MAP3K4: variants seen among roughly 807,000 people sequenced by gnomAD.
MAP3K4 encodes the protein MAP three kinase 1.
MAP3K4 carries 67 observed loss-of-function variants against 185.6 expected under a neutral mutation model. The observed-to-expected ratio is 0.36, with a 90% confidence interval of 0.30 to 0.44. MAP3K4 has a LOEUF of 0.44. MAP3K4 is among the 20% of genes least tolerant of loss of function. The pLI, the probability that MAP3K4 is intolerant of heterozygous loss-of-function variation, is 1.00. For missense variants in MAP3K4, 1,551 were observed against 1,995.1 expected, an observed-to-expected ratio of 0.78 and a Z score of 4.24; for synonymous variants, 702 against 710.4, an observed-to-expected ratio of 0.99 and a Z score of 0.19.
intron 1 of MAP3K4, among the ~76,000 whole-genome samples, chr6:161,013,987 T>A (rs78145919): frequency 0.038 from 5,820 of 152,318 alleles, 150 homozygotes; most frequent in South Asian, 0.07. Context: ...GTCTGAACCC[T>A]GCCTCTGGAG....
chr6:161,084,345 C>T lies in MAP3K4; in HGVS notation c.2256-156C>T, dbSNP rs779782908. Among the ~76,000 whole-genome samples the T allele has an allele frequency of 6.6e-5, 10 of 152,200 alleles. No individual in the cohort carries two copies. Among genetic ancestry groups the T allele is most frequent in the Non-Finnish European group, 1.2e-4 (8 of 68,030 alleles). Reference sequence around the variant, plus strand: ...CATAATCCAGATTCCTATTTTTCCACGTCCAGGGTTTTATATTAAAAGAAG... The same window carrying T: ...CATAATCCAGATTCCTATTTTTCCATGTCCAGGGTTTTATATTAAAAGAAG... On this transcript the variant is annotated intron_variant, in intron 6 of 26. Coordinates refer to ENST00000392142, the MANE Select transcript of MAP3K4 (RefSeq NM_005922.4). The surrounding 1 kb of genome is among the most constrained non-coding windows in gnomAD (Gnocchi z 4.6).
chr6:161,034,027 T>C lies in MAP3K4; in HGVS notation c.153-232T>C, dbSNP rs917043901. On this transcript the variant is annotated intron_variant, in intron 1 of 26. Coordinates refer to ENST00000392142, the MANE Select transcript of MAP3K4 (RefSeq NM_005922.4). This position sits in a 1 kb window ranked among gnomAD's most constrained non-coding sequence, Gnocchi z 4.4. Reference sequence around the variant, plus strand: ...ACAGAAAGCATAACAGCTCTACCCATGTGGTACTCCTTGTTCATGGTAGGA... The same window carrying C: ...ACAGAAAGCATAACAGCTCTACCCACGTGGTACTCCTTGTTCATGGTAGGA... Among the ~76,000 whole-genome samples the C allele has an allele frequency of 4.6e-5, 7 of 152,098 alleles. No homozygotes were observed. The highest frequency in any genetic ancestry group is 2.9e-5 in the Non-Finnish European group (2 of 67,990).
chr6:161,111,988 T>G, intron 24 of MAP3K4, 30 bp downstream of exon 24: 1 of 1,611,222 alleles, frequency 6.2e-7, no homozygotes, highest in South Asian at 1.1e-5. Context: ...TTCTTTGCAC[T>G]CTGACTTCAT....
intron 15 of MAP3K4, among the ~76,000 whole-genome samples, chr6:161,095,093 T>C (rs1777509165): frequency 6.6e-6 from 1 of 152,194 alleles, no homozygotes; most frequent in South Asian, 2.1e-4. Context: ...GGGTAACATC[T>C]GAGTCGCTCA....
chr6:160,992,229 C>A, intron 1 of MAP3K4, 146 bp downstream of exon 1: 1 of 1,146,034 alleles, frequency 8.7e-7, no homozygotes, highest in Non-Finnish European at 1.2e-6. Flanking sequence ...GGGCGCGGTG[C>A]ATCCCTGGGT....
chr6:160,992,323 T>C (rs1043372348), intron 1 of MAP3K4: 2 of 539,574 alleles, frequency 3.7e-6, no homozygotes, highest in East Asian at 3.5e-5. Flanking sequence ...TGTTGCCGGC[T>C]CCCCTTCCCT....
In MAP3K4 at chr6:161,108,686, T is replaced by C. The variant is rs558967844; in HGVS notation, c.4120-57T>C. 2.1e-5 allele frequency: 20 copies of C among 939,790 alleles called. No homozygotes were observed. Among genetic ancestry groups the C allele is most frequent in the Admixed American group, 1.9e-4 (11 of 58,810 alleles). The allele number at this position is 939,790 out of a possible 1,614,324, so 58.2% of individuals were successfully genotyped here. On this transcript the variant is annotated intron_variant, in intron 21 of 26. Transcript: ENST00000392142. The surrounding 1 kb of genome is among the most constrained non-coding windows in gnomAD (Gnocchi z 5.7). ...GCAAAATGATGTTTCAGTGTATGTG[T>C]ATAATGTAGAGTGATTAAATCAAGC...
chr6:161,087,884 G>A lies in MAP3K4; in HGVS notation c.2753G>A (p.Gly918Asp). The change falls in exon 10 of 27, where the codon GGC (glycine) becomes GAC (aspartate). Residue 918 changes from glycine (G) to aspartate (D), a missense_variant. Transcript: ENST00000392142. This position sits in a 1 kb window ranked among gnomAD's most constrained non-coding sequence, Gnocchi z 4.9. ...GCCCGTGATTCAGAGGACAGCTGGG[G>A]CACCTGGGAGGCACAGCCTGTCAAA... ...DRARDSEDSW[G>D]TWEAQPVKVV... 1 of 1,614,138 alleles carries A rather than the reference G, an allele frequency of 6.2e-7. No homozygotes were observed. Among genetic ancestry groups the A allele is most frequent in the Non-Finnish European group, 8.5e-7 (1 of 1,180,008 alleles).
In MAP3K4 at chr6:161,048,422, A is replaced by AT; in HGVS notation, c.344-186dup. Reference sequence around the variant, plus strand: ...ACAGCAAATACTGGAAAAATGGATAATTTTTTTTAAAATATAGAAAATGTC... The same window carrying AT: ...ACAGCAAATACTGGAAAAATGGATAATTTTTTTTTAAAATATAGAAAATGTC... On this transcript the variant is annotated intron_variant, in intron 2 of 26. Coordinates refer to ENST00000392142, the MANE Select transcript of MAP3K4 (RefSeq NM_005922.4). The surrounding 1 kb of genome is among the most constrained non-coding windows in gnomAD (Gnocchi z 4.7). 3 of 610,382 alleles carry AT rather than the reference A, an allele frequency of 4.9e-6. No homozygotes were observed. In the East Asian group the frequency reaches 8.7e-5, roughly 18 times the overall value. The allele number at this position is 610,382 out of a possible 1,614,324, so 37.8% of individuals were successfully genotyped here.
chr6:161,084,174 A>G lies in MAP3K4; in HGVS notation c.2256-327A>G, dbSNP rs564145252. Among the ~76,000 whole-genome samples, 2 of 152,304 alleles carry G rather than the reference A, an allele frequency of 1.3e-5. No individual in the cohort carries two copies. The highest frequency in any genetic ancestry group is 2.1e-4 in the South Asian group (1 of 4,826). ...AATTCCCTTTCCCTCTTATCCTATC[A>G]TTTAGTTTGAGGCCATTTTATGGAA... On this transcript the variant is annotated intron_variant, in intron 6 of 26. Coordinates refer to ENST00000392142, the MANE Select transcript of MAP3K4 (RefSeq NM_005922.4). This position sits in a 1 kb window ranked among gnomAD's most constrained non-coding sequence, Gnocchi z 4.6.
At chr6:161,095,940 A>C (rs544774450) in intron 15 of MAP3K4, among the ~76,000 whole-genome samples, 1 of 152,326 alleles carries the variant, frequency 6.6e-6, no homozygotes, top group Non-Finnish European at 1.5e-5. Context: ...TATTTGTAGG[A>C]AAATTTTTAC....
At chr6:161,025,861 TCC>T (rs1348648281) in intron 1 of MAP3K4, among the ~76,000 whole-genome samples, 25 of 152,318 alleles carry the variant, frequency 1.6e-4, no homozygotes, top group African/African-American at 6.0e-4. Flanking sequence ...TGTTTGTTTT[TCC>T]TCCCAGCTTT....
intron 1 of MAP3K4, among the ~76,000 whole-genome samples, chr6:161,026,577 A>AG (rs1443924720): frequency 1.3e-5 from 2 of 152,194 alleles, no homozygotes; most frequent in East Asian, 3.8e-4. Context: ...TTGGTAAAAA[A>AG]TAAAGCACCC....
In MAP3K4 at chr6:161,097,560, G is replaced by A. The variant is rs772941299; in HGVS notation, c.3524+384G>A. On this transcript the variant is annotated intron_variant, in intron 16 of 26. Coordinates refer to ENST00000392142, the MANE Select transcript of MAP3K4 (RefSeq NM_005922.4). The surrounding 1 kb of genome is among the most constrained non-coding windows in gnomAD (Gnocchi z 4.9). ...TATCACTAAAAGTGGAGAAAAACTG[G>A]AATGAGCTTTCCAGATTCAATTTTT... Among the ~76,000 whole-genome samples the A allele has an allele frequency of 6.6e-6, 1 of 152,122 alleles. No homozygotes were observed. The highest frequency in any genetic ancestry group is 1.5e-5 in the Non-Finnish European group (1 of 68,016).
Position 161,073,428 on chromosome 6 carries a change from GT to G in MAP3K4, c.1951-35del, listed in dbSNP as rs1263524119. On this transcript the variant is annotated intron_variant, in intron 4 of 26. Coordinates refer to ENST00000392142, the MANE Select transcript of MAP3K4 (RefSeq NM_005922.4). The surrounding 1 kb of genome is among the most constrained non-coding windows in gnomAD (Gnocchi z 4.2). Reference sequence around the variant, plus strand: ...ATAAAACACGGATCGTCTGGTTGGAGTTTATGGCTGCTGGAACCTGTGTGTG... The same window carrying G: ...ATAAAACACGGATCGTCTGGTTGGAGTTATGGCTGCTGGAACCTGTGTGTG... 1 of 1,531,920 alleles carries G rather than the reference GT, an allele frequency of 6.5e-7. No individual in the cohort carries two copies. The highest frequency in any genetic ancestry group is 8.8e-7 in the Non-Finnish European group (1 of 1,138,360). 94.9% of individuals were successfully genotyped at this position (1,531,920 alleles called of 1,614,324 possible).
Position 161,078,700 on chromosome 6 carries a change from G to A in MAP3K4, c.2098-2181G>A, listed in dbSNP as rs1006719508. The stretch of plus-strand genomic sequence containing the variant: ...GGAGATGGAGGCAGTCAGGAAGCTG[G>A]ACTGAAGAAGTGTTCGGTGGGTTTT... On this transcript the variant is annotated intron_variant, in intron 5 of 26. Coordinates refer to ENST00000392142, the MANE Select transcript of MAP3K4 (RefSeq NM_005922.4). Among the ~76,000 whole-genome samples, 6 of 152,176 alleles carry A rather than the reference G, an allele frequency of 3.9e-5. No individual in the cohort carries two copies. The South Asian group carries it at 6.2e-4, about 16-fold the overall frequency.
intron 1 of MAP3K4, among the ~76,000 whole-genome samples, chr6:160,999,984 A>G (rs1781191618): frequency 6.6e-6 from 1 of 152,214 alleles, no homozygotes; most frequent in South Asian, 2.1e-4. Flanking sequence ...AAATTTTCAG[A>G]TACGTTGTTA....
chr6:161,037,952 T>G lies in MAP3K4; in HGVS notation c.343+3503T>G, dbSNP rs1321792913. ...TTCCTAGTCCTTCGCTTTATCTCAC[T>G]ACATAATGCTGCTAGTACATTTTTT... On this transcript the variant is annotated intron_variant, in intron 2 of 26. Transcript: ENST00000392142. This position sits in a 1 kb window ranked among gnomAD's most constrained non-coding sequence, Gnocchi z 4.2. Among the ~76,000 whole-genome samples, 2 of 152,144 alleles carry G rather than the reference T, an allele frequency of 1.3e-5. No homozygotes were observed. The highest frequency in any genetic ancestry group is 4.8e-5 in the African/African-American group (2 of 41,398).
At position 161,054,185 on chromosome 6, in the gene MAP3K4, G is replaced by A. The variant is rs1324052109; in HGVS notation, c.1707+4206G>A. ...TAATTTTTTTTTGAGACAGAGTTTC[G>A]CTCTTGTTGCCCAGGCTGGAGTGCA... On this transcript the variant is annotated intron_variant, in intron 3 of 26. Transcript: ENST00000392142. The surrounding 1 kb of genome is among the most constrained non-coding windows in gnomAD (Gnocchi z 4.2). 2.6e-5 allele frequency among the ~76,000 whole-genome samples: 4 copies of A among 151,770 alleles called. No individual in the cohort carries two copies. The highest frequency in any genetic ancestry group is 6.6e-5 in the Admixed American group (1 of 15,254).
Sources: allele counts gnomAD v4.1 joint callset (sites outside exome capture counted in the v4.1 genomes callset), GRCh38; gene constraint gnomAD v4.1.1; non-coding constraint Gnocchi (gnomAD v3.1); transcripts MANE v1.5; gene names NCBI Gene and HGNC (gene_info 2026-07-23, HGNC 2026-07-21).